Variants in BCL11A observed in about 807,000 individuals in gnomAD.
The protein encoded by BCL11A is B cell CLL/lymphoma 11A.
BCL11A carries 2 observed loss-of-function variants against 55.9 expected under a neutral mutation model. The ratio of observed to expected loss-of-function variants is 0.04; its 90% confidence interval spans 0.01 to 0.11. BCL11A has a LOEUF of 0.11. BCL11A is among the 10% of genes least tolerant of loss of function. BCL11A has a pLI of 1.00. For missense variants in BCL11A, 817 were observed against 1,137.1 expected (o/e 0.72, Z 4.05); for synonymous variants, 465 against 473.4 (o/e 0.98, Z 0.23).
rs1323814092 is a variant in BCL11A, at chr2:60,457,574, G to C, written c.*2830C>G. Reference sequence around the variant, plus strand: ...TACAAAAAAGTATTGACTAAAGCGGGCTTTCTCTTTAATATGCTTTGCATA... The same window carrying C: ...TACAAAAAAGTATTGACTAAAGCGGCCTTTCTCTTTAATATGCTTTGCATA... On this transcript the variant is annotated 3_prime_UTR_variant, in exon 4 of 4. Transcript: ENST00000642384. 2 of 1,045,824 alleles carry C rather than the reference G, an allele frequency of 1.9e-6. No individual in the cohort carries two copies. The highest frequency in any genetic ancestry group is 2.3e-6 in the Non-Finnish European group (2 of 867,186). 64.8% of individuals were successfully genotyped at this position (1,045,824 alleles called of 1,614,324 possible).
intron 2 of BCL11A, chr2:60,542,014 G>T: frequency 1.5e-6 from 1 of 652,116 alleles, no homozygotes; most frequent in South Asian, 1.8e-5. Flanking sequence ...TTACTTTTAA[G>T]AGCATGCTAA....
At chr2:60,539,081 G>A (rs1224878754) in intron 2 of BCL11A, among the ~76,000 whole-genome samples, 1 of 152,186 alleles carries the variant, frequency 6.6e-6, no homozygotes, top group East Asian at 1.9e-4. Flanking sequence ...AATGGAAACT[G>A]TGGCATATCG....
chr2:60,471,908 A>C (rs991332943), intron 2 of BCL11A, among the ~76,000 whole-genome samples: 11 of 152,146 alleles, frequency 7.2e-5, no homozygotes, highest in African/African-American at 2.7e-4. Flanking sequence ...TATGTTGAAT[A>C]AATTCTCCAG....
intron 2 of BCL11A, chr2:60,524,891 T>C (rs969893799): frequency 3.3e-5 from 5 of 152,218 alleles, no homozygotes; most frequent in Admixed American, 2.6e-4. Context: ...TAAAAGCCAA[T>C]GGTAAACACC....
intron 2 of BCL11A, among the ~76,000 whole-genome samples, chr2:60,518,594 A>AT (rs1414774374): frequency 1.3e-5 from 2 of 152,212 alleles, no homozygotes; most frequent in Non-Finnish European, 2.9e-5. Flanking sequence ...GGCAGGAAGC[A>AT]TTGCTCTAGA....
intron 2 of BCL11A, chr2:60,537,347 G>A (rs1409829334): frequency 6.6e-6 from 1 of 152,162 alleles, no homozygotes; most frequent in East Asian, 1.9e-4. Context: ...ATTTAACATT[G>A]GTTAATGCAT....
At chr2:60,494,534 A>T (rs890778428) in intron 2 of BCL11A, among the ~76,000 whole-genome samples, 4 of 152,212 alleles carry the variant, frequency 2.6e-5, no homozygotes. Flanking sequence ...CCATCTCCCT[A>T]ATCTCCAATT....
Position 60,546,374 on chromosome 2 carries a change from C to G in BCL11A, c.56-74G>C, listed in dbSNP as rs1558520400. On this transcript the variant is annotated intron_variant, in intron 1 of 3. Coordinates refer to ENST00000642384, the MANE Select transcript of BCL11A (RefSeq NM_022893.4). This position sits in a 1 kb window ranked among gnomAD's most constrained non-coding sequence, Gnocchi z 4.1. ...AGAAAGGGGAGAAGCACATCTCAAC[C>G]CCATGCCATCCCACCACATCATGTA... 1 of 1,194,080 alleles carries G rather than the reference C, an allele frequency of 8.4e-7. No homozygotes were observed. The highest frequency in any genetic ancestry group is 1.4e-5 in the South Asian group (1 of 70,294). 74.0% of individuals were successfully genotyped at this position (1,194,080 alleles called of 1,614,324 possible).
At chr2:60,485,509 T>G (rs564132615) in intron 2 of BCL11A, among the ~76,000 whole-genome samples, 1 of 152,356 alleles carries the variant, frequency 6.6e-6, no homozygotes, top group East Asian at 1.9e-4. Flanking sequence ...TACTCTTTTA[T>G]ATTCTACCTA....
intron 2 of BCL11A, among the ~76,000 whole-genome samples, chr2:60,476,524 G>T (rs1214191185): frequency 6.6e-6 from 1 of 152,212 alleles, no homozygotes; most frequent in African/African-American, 2.4e-5. Context: ...GCAAAGCCCA[G>T]CACCCTGTGG....
intron 2 of BCL11A, among the ~76,000 whole-genome samples, chr2:60,507,246 G>A (rs1388871180): frequency 0.46 from 1,107 of 2,406 alleles, 292 homozygotes; most frequent in Non-Finnish European, 0.51. Flanking sequence ...GAGGGAGGGA[G>A]GGGAGGGGAG....
chr2:60,458,277 T>G lies in BCL11A; in HGVS notation c.*2127A>C. On this transcript the variant is annotated 3_prime_UTR_variant, in exon 4 of 4. Transcript: ENST00000642384. Reference sequence around the variant, plus strand: ...CTTAAACCTTTCCCCAATGTATGTTTTTTTTTTTTACAACCTGAAGAGCGG... The same window carrying G: ...CTTAAACCTTTCCCCAATGTATGTTGTTTTTTTTTACAACCTGAAGAGCGG... 9.8e-7 allele frequency: 1 copy of G among 1,025,316 alleles called. No individual in the cohort carries two copies. Among genetic ancestry groups the G allele is most frequent in the Non-Finnish European group, 1.2e-6 (1 of 853,156 alleles). 63.5% of individuals were successfully genotyped at this position (1,025,316 alleles called of 1,614,324 possible).
Position 60,546,375 on chromosome 2 carries a change from C to T in BCL11A, c.56-75G>A. 1 of 1,194,184 alleles carries T rather than the reference C, an allele frequency of 8.4e-7. No homozygotes were observed. Among genetic ancestry groups the T allele is most frequent in the Non-Finnish European group, 1.2e-6 (1 of 833,120 alleles). The allele number at this position is 1,194,184 out of a possible 1,614,324, so 74.0% of individuals were successfully genotyped here. On this transcript the variant is annotated intron_variant, in intron 1 of 3. Coordinates refer to ENST00000642384, the MANE Select transcript of BCL11A (RefSeq NM_022893.4). This position sits in a 1 kb window ranked among gnomAD's most constrained non-coding sequence, Gnocchi z 4.1. The stretch of plus-strand genomic sequence containing the variant: ...GAAAGGGGAGAAGCACATCTCAACC[C>T]CATGCCATCCCACCACATCATGTAA...
At chr2:60,455,756 T>C (rs928227980), downstream of BCL11A, among the ~76,000 whole-genome samples, 1 of 152,154 alleles carries the variant, frequency 6.6e-6, no homozygotes, top group Non-Finnish European at 1.5e-5. Flanking sequence ...TAGCTCCTAA[T>C]AAAAGAGTAA....
chr2:60,452,577 A>AAG, downstream of BCL11A: 1 of 1,613,222 alleles, frequency 6.2e-7, no homozygotes. Flanking sequence ...AAATTTTCTC[A>AAG]GAACTTAAGG....
At chr2:60,472,902 G>C (rs147763121) in intron 2 of BCL11A, among the ~76,000 whole-genome samples, 178 of 152,296 alleles carry the variant, frequency 1.2e-3, no homozygotes, top group African/African-American at 3.8e-3. Context: ...TGACTGCTTT[G>C]GGAGCCCAAC....
intron 2 of BCL11A, among the ~76,000 whole-genome samples, chr2:60,498,383 C>G (rs548884200): frequency 9.2e-5 from 14 of 152,112 alleles, no homozygotes; most frequent in African/African-American, 3.4e-4. Context: ...TCAGTGCCGA[C>G]CAAGCACACA....
Position 60,512,998 on chromosome 2 carries a change from C to T in BCL11A, c.385+32973G>A, listed in dbSNP as rs960151555. Among the ~76,000 whole-genome samples, 8 of 152,088 alleles carry T rather than the reference C, an allele frequency of 5.3e-5. No individual in the cohort carries two copies. The South Asian group carries it at 6.2e-4, about 12-fold the overall frequency. The stretch of plus-strand genomic sequence containing the variant: ...AATGAACACACAGAGCAACAGCTGA[C>T]GAGTCACAGTGGACCACACCACCAC... On this transcript the variant is annotated intron_variant, in intron 2 of 3. Transcript: ENST00000642384.
chr2:60,452,702 A>T (rs1275602642), downstream of BCL11A: 2 of 1,524,496 alleles, frequency 1.3e-6, no homozygotes, highest in South Asian at 2.2e-5. Flanking sequence ...GGGGGAAAAA[A>T]AAAGTACAGG....
Sources: gnomAD v4.1 joint callset for allele counts (sites outside exome capture counted in the v4.1 genomes callset) on GRCh38, gnomAD v4.1.1 for gene constraint, Gnocchi (gnomAD v3.1) non-coding constraint, MANE v1.5 for transcripts, NCBI Gene and HGNC (gene_info 2026-07-23, HGNC 2026-07-21) for gene names.